COQ5: variants seen among roughly 807,000 people sequenced by gnomAD.
COQ5 encodes 2-methoxy-6-polyprenyl-1,4-benzoquinol methylase, mitochondrial.
In COQ5, 27 loss-of-function variants were observed where a neutral mutation model predicts 40.5. The ratio of observed to expected loss-of-function variants is 0.67; its 90% CI spans 0.49 to 0.92. The LOEUF is 0.92. COQ5 is among the 40% of genes least tolerant of loss of function. The probability of loss-of-function intolerance (pLI) is 0.00; values close to 1 mark genes in which losing one functional copy is unlikely to be tolerated. For missense variants in COQ5, 409 were observed against 406.4 expected (o/e 1.01, Z -0.06); for synonymous variants, 141 against 150.0 (o/e 0.94, Z 0.44).
At chr12:120,522,071 C>CGT in intron 2 of COQ5, 143 bp downstream of exon 2, 1 of 753,686 alleles carries the variant, frequency 1.3e-6, no homozygotes, top group Non-Finnish European at 2.2e-6. Flanking sequence ...AAGATAAGTG[C>CGT]GTGCCTTTCT....
intron 4 of COQ5, among the ~76,000 whole-genome samples, chr12:120,505,710 C>T (rs1462800384): frequency 1.3e-5 from 2 of 152,046 alleles, no homozygotes; most frequent in African/African-American, 4.8e-5. Flanking sequence ...GCACGTACCA[C>T]CACACCCGGC....
chr12:120,522,881 C>T, intron 1 of COQ5: 1 of 723,416 alleles, frequency 1.4e-6, no homozygotes, highest in Non-Finnish European at 2.5e-6. Flanking sequence ...GCTTAACCTC[C>T]TTGGGCTTTA....
At chr12:120,521,074 T>G (rs1034537127) in intron 2 of COQ5, among the ~76,000 whole-genome samples, 76 of 150,820 alleles carry the variant, frequency 5.0e-4, no homozygotes, top group South Asian at 1.1e-3. Flanking sequence ...GTTTTTTTTT[T>G]TTTTTTTTTG....
At chr12:120,514,266 G>C (rs1869274953) in intron 3 of COQ5, among the ~76,000 whole-genome samples, 1 of 152,066 alleles carries the variant, frequency 6.6e-6, no homozygotes, top group Non-Finnish European at 1.5e-5. Context: ...GCTCCTTCTG[G>C]GGGTGGGAGG....
chr12:120,518,728 C>A (rs1389855858), intron 2 of COQ5, among the ~76,000 whole-genome samples: 2 of 152,108 alleles, frequency 1.3e-5, no homozygotes, highest in Non-Finnish European at 2.9e-5. Flanking sequence ...CCACGCCCAG[C>A]TAATTTTTGT....
intron 3 of COQ5, among the ~76,000 whole-genome samples, chr12:120,513,660 C>T (rs1386154863): frequency 2.0e-5 from 3 of 150,980 alleles, no homozygotes; most frequent in African/African-American, 7.3e-5. Context: ...GCTGGGATTA[C>T]AGGCGCGCAC....
At chr12:120,522,921 C>G in intron 1 of COQ5, 1 of 689,534 alleles carries the variant, frequency 1.5e-6, no homozygotes. Flanking sequence ...AGCACGTGCA[C>G]TCGTGGCCCT....
At chr12:120,514,002 A>G (rs1057002431) in intron 3 of COQ5, among the ~76,000 whole-genome samples, 1 of 152,130 alleles carries the variant, frequency 6.6e-6, no homozygotes, top group African/African-American at 2.4e-5. Flanking sequence ...TGCTTAGGAG[A>G]GCTCGACGGG....
chr12:120,510,308 C>A (rs991098435), intron 3 of COQ5, among the ~76,000 whole-genome samples, 185 bp from the exon 4 acceptor site: 1 of 151,916 alleles, frequency 6.6e-6, no homozygotes, highest in Non-Finnish European at 1.5e-5. Flanking sequence ...TATTTTTAAT[C>A]AATCATTATT....
At chr12:120,524,863 G>A (rs569109260) in intron 1 of COQ5, among the ~76,000 whole-genome samples, 4 of 151,886 alleles carry the variant, frequency 2.6e-5, no homozygotes, top group Non-Finnish European at 4.4e-5. Context: ...CTGTCACCCA[G>A]GCTGGAGTGC....
chr12:120,509,690 AC>A (rs1200146365), intron 4 of COQ5, among the ~76,000 whole-genome samples: 1 of 151,950 alleles, frequency 6.6e-6, no homozygotes, highest in African/African-American at 2.4e-5. Flanking sequence ...AGGATGGAGG[AC>A]CCTAAACTTC....
chr12:120,522,310 T>C lies in COQ5; in HGVS notation c.256A>G (p.Met86Val). 5.6e-6 allele frequency: 9 copies of C among 1,613,752 alleles called. No individual in the cohort carries two copies. The highest frequency in any genetic ancestry group is 1.1e-5 in the South Asian group (1 of 91,076). Residue 86 changes from methionine (M) to valine (V), a missense_variant, in exon 2 of 7, where the codon ATG becomes GTG. Coordinates refer to ENST00000288532, the MANE Select transcript of COQ5 (RefSeq NM_032314.4). The stretch of plus-strand genomic sequence containing the variant: ...CAAACACGATGGATACCAAGACTCA[T>C]CATATCATTCATCACATCATACTTC... ...AKKYDVMNDM[M>V]SLGIHRVWKD...
intron 1 of COQ5, among the ~76,000 whole-genome samples, chr12:120,525,488 C>T (rs1279680071): frequency 6.6e-6 from 1 of 152,154 alleles, no homozygotes; most frequent in Non-Finnish European, 1.5e-5. Flanking sequence ...TGGTGGCACA[C>T]ACCTGGAGTG....
At chr12:120,528,890 C>A (rs1223538818) in intron 1 of COQ5, 50 bp downstream of exon 1, 6 of 1,543,958 alleles carry the variant, frequency 3.9e-6, no homozygotes, top group Non-Finnish European at 5.4e-6. Context: ...CAGAAGAAAC[C>A]AGACCATGGA....
Position 120,522,351 on chromosome 12 carries a change from A to G in COQ5, c.215T>C (p.Phe72Ser). 6.2e-7 allele frequency: 1 copy of G among 1,613,676 alleles called. No homozygotes were observed. Among genetic ancestry groups the G allele is most frequent in the Non-Finnish European group, 8.5e-7 (1 of 1,179,576 alleles). ...EEKGGKVYQV[F>S]ESVAKKYDVM... ...ATCATACTTCTTAGCCACACTTTCA[A>G]ACACCTGATAGACTGACATGGGAGA... The change falls in exon 2 of 7, where the codon TTT (phenylalanine) becomes TCT (serine). Residue 72 changes from phenylalanine to serine, a missense_variant. Transcript: ENST00000288532.
At chr12:120,525,123 G>A (rs1338567627) in intron 1 of COQ5, among the ~76,000 whole-genome samples, 2 of 151,656 alleles carry the variant, frequency 1.3e-5, no homozygotes, top group Non-Finnish European at 2.9e-5. Context: ...TTTTTGAGAC[G>A]GCGTCTAGCT....
In COQ5 at chr12:120,529,149, G is replaced by A; in HGVS notation, c.-8C>T. ...GCTCCCGGGGGCCGCCATCTTGGTA[G>A]TCGAGTGACAACGGCCAGAGAGTAC... On this transcript the variant is annotated 5_prime_UTR_variant, in exon 1 of 7. Transcript: ENST00000288532. 1 of 1,610,982 alleles carries A rather than the reference G, an allele frequency of 6.2e-7. No individual in the cohort carries two copies. Among genetic ancestry groups the A allele is most frequent in the Non-Finnish European group, 8.5e-7 (1 of 1,178,260 alleles).
chr12:120,524,540 G>A (rs981420099), intron 1 of COQ5, among the ~76,000 whole-genome samples: 4 of 151,998 alleles, frequency 2.6e-5, no homozygotes, highest in Admixed American at 1.3e-4. Context: ...GATTATAGGC[G>A]TGAGCCACCA....
intron 2 of COQ5, among the ~76,000 whole-genome samples, chr12:120,520,543 T>A (rs10849755): frequency 8.2e-4 from 124 of 151,914 alleles, no homozygotes; most frequent in South Asian, 6.2e-4. Flanking sequence ...CCAGGATGGT[T>A]TCGATCTCTT....
Sources: allele counts gnomAD v4.1 joint callset (sites outside exome capture counted in the v4.1 genomes callset), GRCh38; gene constraint gnomAD v4.1.1; transcripts MANE v1.5; gene names NCBI Gene and HGNC (gene_info 2026-07-23, HGNC 2026-07-21).